The following ST13 variants were observed in gnomAD, a reference collection of about 807,000 sequenced individuals.
ST13 encodes ST13 Hsp70 interacting protein.
In ST13, 23 loss-of-function variants were observed where a neutral mutation model predicts 56.7. That is an observed-to-expected ratio of 0.41 (90% CI 0.29 to 0.57). The LOEUF is 0.57. Ranked by LOEUF, ST13 falls within the 20% of genes least tolerant of loss-of-function variation. The pLI is 0.36. For missense variants in ST13, 369 were observed against 459.9 expected, an observed-to-expected ratio of 0.80 and a Z score of 1.81; for synonymous variants, 132 against 142.4, an observed-to-expected ratio of 0.93 and a Z score of 0.52.
Position 40,844,916 on chromosome 22 carries a change from A to C in ST13, c.245-7T>G. 6.2e-7 allele frequency: 1 copy of C among 1,609,736 alleles called. No individual in the cohort carries two copies. Among genetic ancestry groups the C allele is most frequent in the Non-Finnish European group, 8.5e-7 (1 of 1,177,378 alleles). On this transcript the variant is annotated splice_polypyrimidine_tract_variant and splice_region_variant and intron_variant, in intron 3 of 11. Transcript: ENST00000216218. Reference sequence around the variant, plus strand: ...ACACCTTCTTTATCAATTTCTGCCAAAGTCGAGAAAATGACAATAAGACCT... The same window carrying C: ...ACACCTTCTTTATCAATTTCTGCCACAGTCGAGAAAATGACAATAAGACCT...
intron 5 of ST13, among the ~76,000 whole-genome samples, chr22:40,837,035 C>T (rs2057780810): frequency 6.6e-6 from 1 of 152,168 alleles, no homozygotes; most frequent in East Asian, 1.9e-4. Context: ...AGGCTGCTCT[C>T]GAACTCCTGG....
chr22:40,835,397 T>C, intron 7 of ST13, 163 bp downstream of exon 7: 1 of 519,680 alleles, frequency 1.9e-6, no homozygotes, highest in Non-Finnish European at 3.5e-6. Context: ...TCTTTTACCT[T>C]TTAAGCAGCT....
chr22:40,830,864 T>G lies in ST13; in HGVS notation c.774A>C (p.Arg258=). ...CCCTCTGGGCTCTCTCATGCTCTTC[T>G]CGAGCCTTCTTAACTCGTTCTATTC... ...KERIERVKKA[R]EEHERAQREE... Residue 258 remains arginine, a synonymous_variant, in exon 9 of 12, where the codon CGA becomes CGC. Coordinates refer to ENST00000216218, the MANE Select transcript of ST13 (RefSeq NM_003932.5). The G allele has an allele frequency of 6.2e-7, 1 of 1,608,458 alleles. No individual in the cohort carries two copies. The highest frequency in any genetic ancestry group is 8.5e-7 in the Non-Finnish European group (1 of 1,179,178).
chr22:40,856,463 C>T lies in ST13; in HGVS notation c.78G>A (p.Glu26=). 2 of 1,613,690 alleles carry T rather than the reference C, an allele frequency of 1.2e-6. No individual in the cohort carries two copies. The highest frequency in any genetic ancestry group is 1.7e-4 in the Middle Eastern group (1 of 5,968). The change falls in exon 1 of 12, where the codon GAG becomes GAA. Residue 26 remains glutamate (E), a synonymous_variant. Transcript: ENST00000216218. ...CCCACTCCCTCAGGAAGCGCATTTC[C>T]TCGGTGTGCAGAACGCTCGGATCCT... ...CKQDPSVLHT[E]EMRFLREWVE... is the part of the protein sequence containing the mutation.
Position 40,844,967 on chromosome 22 carries a change from C to T in ST13, c.245-58G>A, listed in dbSNP as rs536878950. The T allele has an allele frequency of 5.7e-6, 7 of 1,235,006 alleles. No individual in the cohort carries two copies. The East Asian group carries it at 1.5e-4, about 27-fold the overall frequency. 76.5% of individuals were successfully genotyped at this position (1,235,006 alleles called of 1,614,324 possible). A position where few individuals can be genotyped will look rare whatever the true frequency, so the allele number is the denominator to read the frequency against. ...GCACCGTACAATATAGTAGCCACTC[C>T]CAAGATTATTAAAAACTGACATACT... On this transcript the variant is annotated intron_variant, in intron 3 of 11. Transcript: ENST00000216218.
At chr22:40,846,851 C>T (rs1174624337) in intron 3 of ST13, among the ~76,000 whole-genome samples, 1 of 151,996 alleles carries the variant, frequency 6.6e-6, no homozygotes, top group South Asian at 2.1e-4. Flanking sequence ...AAAAATTAGC[C>T]AGGCATGGTG....
chr22:40,854,709 G>GCTATT (rs1232678683), intron 1 of ST13: 4 of 152,126 alleles, frequency 2.6e-5, no homozygotes, highest in Non-Finnish European at 5.9e-5. Context: ...CTTGGAGCCG[G>GCTATT]CTATTTTCTT....
intron 1 of ST13, among the ~76,000 whole-genome samples, chr22:40,855,601 A>T (rs2057887071): frequency 6.6e-6 from 1 of 152,210 alleles, no homozygotes; most frequent in African/African-American, 2.4e-5. Context: ...CTTAGGGAAG[A>T]CTTCCCTGTC....
At chr22:40,835,372 A>G in intron 7 of ST13, 188 bp downstream of exon 7, 1 of 465,510 alleles carries the variant, frequency 2.1e-6, no homozygotes, top group Non-Finnish European at 3.9e-6. Context: ...TCTTCTTTTA[A>G]ATTTCTTTTT....
intron 7 of ST13, among the ~76,000 whole-genome samples, chr22:40,833,646 C>T (rs1024505453): frequency 6.6e-6 from 1 of 151,738 alleles, no homozygotes; most frequent in African/African-American, 2.4e-5. Flanking sequence ...GAGGCTGAGG[C>T]TGGTGGATCA....
intron 7 of ST13, among the ~76,000 whole-genome samples, chr22:40,835,172 AGAGTCTG>A (rs1333502402): frequency 1.3e-5 from 2 of 152,246 alleles, no homozygotes; most frequent in African/African-American, 4.8e-5. Context: ...GCTAACTTAC[AGAGTCTG>A]AAAGTAAGAG....
At chr22:40,855,735 A>C (rs1429648552) in intron 1 of ST13, among the ~76,000 whole-genome samples, 1 of 152,212 alleles carries the variant, frequency 6.6e-6, no homozygotes, top group East Asian at 1.9e-4. Context: ...TCCTAGCACC[A>C]GGCACAATGC....
chr22:40,844,222 C>G (rs1446454258), intron 4 of ST13, among the ~76,000 whole-genome samples: 1 of 152,102 alleles, frequency 6.6e-6, no homozygotes, highest in Non-Finnish European at 1.5e-5. Context: ...GATACCATTT[C>G]CCACAATACT....
At chr22:40,831,493 T>G (rs1602650232) in intron 8 of ST13, among the ~76,000 whole-genome samples, 2 of 152,218 alleles carry the variant, frequency 1.3e-5, no homozygotes, top group Non-Finnish European at 2.9e-5. Flanking sequence ...CAGACACTAG[T>G]ATCAAATAAA....
At chr22:40,843,884 AT>A (rs11308730) in intron 4 of ST13, among the ~76,000 whole-genome samples, 68,076 of 143,830 alleles carry the variant, frequency 0.47, 16,239 homozygotes, top group Admixed American at 0.63. Flanking sequence ...AGGAAAATGC[AT>A]TTTTTTTTTT....
At position 40,829,623 on chromosome 22, in the gene ST13, T is replaced by C; in HGVS notation, c.847+3A>G. On this transcript the variant is annotated splice_donor_region_variant and intron_variant, in intron 10 of 11. Coordinates refer to ENST00000216218, the MANE Select transcript of ST13 (RefSeq NM_003932.5). The stretch of plus-strand genomic sequence containing the variant: ...AACAGTTTTAACTTTTCTTTAAATA[T>C]ACCTGGAAAAGAGCCATACTGAGCT... The C allele has an allele frequency of 6.9e-7, 1 of 1,439,168 alleles. No individual in the cohort carries two copies. Among genetic ancestry groups the C allele is most frequent in the Non-Finnish European group, 9.3e-7 (1 of 1,074,092 alleles). The allele number at this position is 1,439,168 out of a possible 1,614,324, so 89.1% of individuals were successfully genotyped here. A position where few individuals can be genotyped will look rare whatever the true frequency, so the allele number is the denominator to read the frequency against.
intron 1 of ST13, among the ~76,000 whole-genome samples, chr22:40,853,667 CAT>C (rs2057873263): frequency 6.6e-6 from 1 of 152,154 alleles, no homozygotes; most frequent in Admixed American, 6.5e-5. Context: ...TATTTGTACA[CAT>C]GTACAAAAAA....
chr22:40,842,377 G>A (rs887893724), intron 4 of ST13, among the ~76,000 whole-genome samples: 2 of 152,164 alleles, frequency 1.3e-5, no homozygotes, highest in Admixed American at 6.6e-5. Context: ...TAAGACCAGC[G>A]AAGAGTTCAA....
At chr22:40,830,629 T>A (rs2057749498) in intron 9 of ST13, among the ~76,000 whole-genome samples, 2 of 152,160 alleles carry the variant, frequency 1.3e-5, no homozygotes, top group Non-Finnish European at 2.9e-5. Flanking sequence ...GAATATAAAA[T>A]GGTGAAATAA....
Sources: allele counts gnomAD v4.1 joint callset (sites outside exome capture counted in the v4.1 genomes callset), GRCh38; gene constraint gnomAD v4.1.1; transcripts MANE v1.5; gene names NCBI Gene and HGNC (gene_info 2026-07-23, HGNC 2026-07-21).